VPS13C: variants seen among roughly 807,000 people sequenced by gnomAD.
VPS13C encodes intermembrane lipid transfer protein VPS13C.
In VPS13C, 358 loss-of-function variants were observed where a neutral mutation model predicts 456.8. The ratio of observed to expected loss-of-function variants is 0.78; its 90% CI spans 0.72 to 0.86. The LOEUF is 0.86. Among genes scored for constraint, VPS13C ranks in the 40% least tolerant of loss-of-function variants. VPS13C has a pLI of 0.00. For synonymous variants in VPS13C, 1,578 were observed against 1,486.7 expected, an observed-to-expected ratio of 1.06 and a Z score of -1.41; for missense variants, 4,818 against 4,385.4, an observed-to-expected ratio of 1.10 and a Z score of -2.79.
chr15:61,873,344 T>C lies in VPS13C; in HGVS notation c.10480A>G (p.Met3494Val), dbSNP rs1388827928. The C allele has an allele frequency of 6.2e-7, 1 of 1,613,834 alleles. No homozygotes were observed. Among genetic ancestry groups the C allele is most frequent in the Non-Finnish European group, 8.5e-7 (1 of 1,179,806 alleles). Residue 3494 changes from methionine to valine, a missense_variant, in exon 78 of 85, where the codon ATG (methionine) becomes GTG (valine). This residue lies in a region of VPS13C where 4,552 missense variants were observed against 4,130.6 expected (regional missense o/e 1.10). Coordinates refer to ENST00000644861, the MANE Select transcript of VPS13C (RefSeq NM_020821.3). Reference sequence around the variant, plus strand: ...CTTTTTTGCTGATATTCCTTGTCCATTGTAATTGCTGCCAAACCTTTCCCA... The same window carrying C: ...CTTTTTTGCTGATATTCCTTGTCCACTGTAATTGCTGCCAAACCTTTCCCA... ...SVGKGLAAIT[M>V]DKEYQQKRRE...
At chr15:61,914,974 T>A (rs1385475899) in intron 61 of VPS13C, among the ~76,000 whole-genome samples, 1 of 145,340 alleles carries the variant, frequency 6.9e-6, no homozygotes, top group Non-Finnish European at 1.5e-5. Flanking sequence ...CAAACACGGA[T>A]GGGATGTCTA....
Position 61,961,701 on chromosome 15 carries a change from G to C in VPS13C, c.3796C>G (p.Leu1266Val). 1 of 1,613,716 alleles carries C rather than the reference G, an allele frequency of 6.2e-7. No individual in the cohort carries two copies. Among genetic ancestry groups the C allele is most frequent in the Non-Finnish European group, 8.5e-7 (1 of 1,179,856 alleles). ...TGATTATGAACTCTGATTAACCCAA[G>C]ATCTACCACTACTGCATTGGTGGAA... ...SISTNAVVVD[L>V]GLIRVHNQFS... The change falls in exon 35 of 85, where the codon CTT becomes GTT. Residue 1266 changes from leucine (L) to valine (V), a missense_variant. Around this residue, in one of 3 missense-constraint regions of VPS13C, gnomAD observed 4,552 missense variants for 4,130.6 expected, o/e 1.10. Transcript: ENST00000644861.
rs369556541 is a variant in VPS13C, at chr15:61,969,342, T to C, written c.2868A>G (p.Val956=). ...ATMRTFDLTV[V]SYLKKISLDY... is the part of the protein sequence containing the mutation. ...CCAAGCTGATTTTCTTTAAATAAGA[T>C]ACCACAGTTAAGTCAAATGTTCTCA... Residue 956 remains valine (V), a synonymous_variant, in exon 28 of 85, where the codon GTA becomes GTG. Transcript: ENST00000644861. The C allele has an allele frequency of 1.9e-6, 3 of 1,603,466 alleles. No individual in the cohort carries two copies. In the African/African-American group the frequency reaches 4.0e-5, roughly 21 times the overall value.
chr15:61,957,457 A>G lies in VPS13C; in HGVS notation c.4165+1151T>C, dbSNP rs2045042551. Among the ~76,000 whole-genome samples the G allele has an allele frequency of 2.6e-5, 4 of 152,272 alleles. No homozygotes were observed. In the South Asian group the frequency reaches 8.3e-4, roughly 32 times the overall value. On this transcript the variant is annotated intron_variant, in intron 37 of 84. Transcript: ENST00000644861. ...TGTATACTTCACTGTATGTATTAAAATACAGTAAAATAGTTTTTTAATAAT... is the reference window on the plus strand; with the variant it reads ...TGTATACTTCACTGTATGTATTAAAGTACAGTAAAATAGTTTTTTAATAAT...
intron 27 of VPS13C, among the ~76,000 whole-genome samples, chr15:61,970,114 T>C (rs906875405): frequency 7.9e-5 from 12 of 152,164 alleles, no homozygotes. Flanking sequence ...AAAGTTCAAC[T>C]ACTCAGACTA....
chr15:61,922,135 T>C (rs1185286886), intron 54 of VPS13C, 102 bp from the exon 55 acceptor site: 9 of 1,277,420 alleles, frequency 7.0e-6, no homozygotes, highest in Non-Finnish European at 4.4e-6. Context: ...TATATATCAT[T>C]AGCCATTTTC....
chr15:61,929,744 T>C lies in VPS13C; in HGVS notation c.6043A>G (p.Ile2015Val). ...TTATCTTGGTCATTCTTTCTGTCAA[T>C]CATTCTGAAAAAAAACATGCTATTC... ...EGIERATSRM[I>V]DRKNDQDNNS... is the part of the protein sequence containing the mutation. Residue 2015 changes from isoleucine (I) to valine (V), a missense_variant, in exon 51 of 85, where the codon ATT becomes GTT. Physicochemically the swap from Ile to Val is conservative, Grantham distance 29. Coordinates refer to ENST00000644861, the MANE Select transcript of VPS13C (RefSeq NM_020821.3). 1.2e-6 allele frequency: 2 copies of C among 1,607,708 alleles called. No individual in the cohort carries two copies. Among genetic ancestry groups the C allele is most frequent in the East Asian group, 2.2e-5 (1 of 44,776 alleles).
intron 14 of VPS13C, among the ~76,000 whole-genome samples, chr15:62,008,416 G>A (rs1211059284): frequency 6.6e-6 from 1 of 151,660 alleles, no homozygotes; most frequent in Non-Finnish European, 1.5e-5. Flanking sequence ...AAAAGAATTT[G>A]GGAACCTAGG....
At chr15:62,007,185 C>G (rs1030462082) in intron 15 of VPS13C, 123 bp downstream of exon 15, 2 of 868,124 alleles carry the variant, frequency 2.3e-6, no homozygotes, top group Non-Finnish European at 3.1e-6. Context: ...CCACATAATT[C>G]TCTCTCAAAA....
rs2042654129 is a variant in VPS13C, at chr15:61,891,639, T to C, written c.9106-1239A>G. 2.0e-5 allele frequency among the ~76,000 whole-genome samples: 3 copies of C among 152,234 alleles called. No homozygotes were observed. The South Asian group carries it at 6.2e-4, about 32-fold the overall frequency. On this transcript the variant is annotated intron_variant, in intron 66 of 84. Transcript: ENST00000644861. ...TTGTGTTTCAGTTAATTTCTAGCAT[T>C]TTAAGTTTTATATGTTGATGCAATA...
chr15:61,913,431 C>T lies in VPS13C; in HGVS notation c.8446-16G>A, dbSNP rs778414773. ...TTAATTGTACCTATACCAGAGAGCA[C>T]ATATCGTCATATAAGAAATCTAAAA... On this transcript the variant is annotated splice_polypyrimidine_tract_variant and intron_variant, in intron 61 of 84. Coordinates refer to ENST00000644861, the MANE Select transcript of VPS13C (RefSeq NM_020821.3). 1 of 1,585,582 alleles carries T rather than the reference C, an allele frequency of 6.3e-7. No homozygotes were observed. Among genetic ancestry groups the T allele is most frequent in the South Asian group, 1.1e-5 (1 of 89,666 alleles).
rs895299499 is a variant in VPS13C, at chr15:61,880,674, C to G, written c.9937G>C (p.Glu3313Gln). Residue 3313 changes from glutamate (E) to glutamine (Q), a missense_variant, in exon 73 of 85, where the codon GAG (glutamate) becomes CAG (glutamine). Glu to Gln is a conservative substitution (Grantham distance 29). This residue lies in a region of VPS13C where 4,552 missense variants were observed against 4,130.6 expected (regional missense o/e 1.10). Coordinates refer to ENST00000644861, the MANE Select transcript of VPS13C (RefSeq NM_020821.3). ...ATTGACATATCAGTCATTGAAGTCTCCATTAATTCTGCATTTAGAGCATCA... is the reference window on the plus strand; with the variant it reads ...ATTGACATATCAGTCATTGAAGTCTGCATTAATTCTGCATTTAGAGCATCA... ...DIDALNAELMETSMTDMSILS... is the reference protein window; with the variant it reads ...DIDALNAELMQTSMTDMSILS... The G allele has an allele frequency of 4.4e-6, 7 of 1,600,858 alleles. No individual in the cohort carries two copies. The African/African-American group carries it at 9.4e-5, about 22-fold the overall frequency.
At position 61,964,828 on chromosome 15, in the gene VPS13C, T is replaced by C. The variant is rs2045328644; in HGVS notation, c.3085A>G (p.Thr1029Ala). 1 of 1,601,708 alleles carries C rather than the reference T, an allele frequency of 6.2e-7. No individual in the cohort carries two copies. The highest frequency in any genetic ancestry group is 8.5e-7 in the Non-Finnish European group (1 of 1,176,412). ...AFSSLNLLLQ[T>A]QALVASINYL... ...TTAATAGAAGCGACAAGAGCTTGTGTTTGCAGCAACAGATTTAAAGATGAA... is the reference window on the plus strand; with the variant it reads ...TTAATAGAAGCGACAAGAGCTTGTGCTTGCAGCAACAGATTTAAAGATGAA... Residue 1029 changes from threonine to alanine, a missense_variant, in exon 31 of 85, where the codon ACA (threonine) becomes GCA (alanine). This residue lies in a region of VPS13C where 4,552 missense variants were observed against 4,130.6 expected (regional missense o/e 1.10). Coordinates refer to ENST00000644861, the MANE Select transcript of VPS13C (RefSeq NM_020821.3).
At chr15:61,970,479 T>C (rs2045512737) in intron 27 of VPS13C, among the ~76,000 whole-genome samples, 1 of 152,170 alleles carries the variant, frequency 6.6e-6, no homozygotes, top group Admixed American at 6.6e-5. Context: ...TATAATTACA[T>C]ACTTAGGTAA....
chr15:61,898,503 A>G (rs1178032219), intron 66 of VPS13C, among the ~76,000 whole-genome samples: 1 of 152,158 alleles, frequency 6.6e-6, no homozygotes, highest in Non-Finnish European at 1.5e-5. Flanking sequence ...AAAGAGACAA[A>G]GAAGGCCATT....
chr15:61,887,835 T>C (rs1362203439), intron 67 of VPS13C, among the ~76,000 whole-genome samples: 2 of 152,056 alleles, frequency 1.3e-5, no homozygotes, highest in Admixed American at 6.6e-5. Flanking sequence ...GTACAATCCA[T>C]GAAGGAAGAG....
At position 61,929,618 on chromosome 15, in the gene VPS13C, G is replaced by T. The variant is rs754994281; in HGVS notation, c.6169C>A (p.Leu2057Met). Residue 2057 changes from leucine to methionine, a missense_variant, in exon 51 of 85, where the codon CTG becomes ATG. Physicochemically the swap from Leu to Met is conservative, Grantham distance 15 (BLOSUM62 2). Transcript: ENST00000644861. ...KLYVCASVEF[L>M]MTVADFFIKA... ...ATAAAGAAATCTGCCACAGTCATCA[G>T]AAATTCCACACTGGCACATACATAC... 12 of 1,614,028 alleles carry T rather than the reference G, an allele frequency of 7.4e-6. No individual in the cohort carries two copies. In the South Asian group the frequency reaches 1.2e-4, roughly 16 times the overall value.
At position 62,060,438 on chromosome 15, in the gene VPS13C, C is replaced by G. The variant is rs2048968006; in HGVS notation, c.-64G>C. 5.9e-6 allele frequency: 5 copies of G among 841,848 alleles called. No homozygotes were observed. The South Asian group carries it at 7.5e-5, about 13-fold the overall frequency. The allele number at this position is 841,848 out of a possible 1,614,324, so 52.1% of individuals were successfully genotyped here. A position where few individuals can be genotyped will look rare whatever the true frequency, so the allele number is the denominator to read the frequency against. ...CGCCCGGCGCAGCTGAGGGCTGCGA[C>G]CAGCGCTGCAAATGACAGCCCCTCC... is the stretch of plus-strand genomic sequence containing the variant. On this transcript the variant is annotated 5_prime_UTR_variant, in exon 1 of 85. Transcript: ENST00000644861.
At chr15:62,038,461 C>T (rs2048135909) in intron 3 of VPS13C, among the ~76,000 whole-genome samples, 1 of 152,006 alleles carries the variant, frequency 6.6e-6, no homozygotes, top group Non-Finnish European at 1.5e-5. Flanking sequence ...TGGTGACACA[C>T]CCGTCGTTTC....
Sources: allele counts gnomAD v4.1 joint callset (sites outside exome capture counted in the v4.1 genomes callset), GRCh38; gene constraint gnomAD v4.1.1; regional missense constraint gnomAD v4.1.1; transcripts MANE v1.5; gene names NCBI Gene and HGNC (gene_info 2026-07-23, HGNC 2026-07-21).